Variants in CCNH observed in about 807,000 individuals in gnomAD.
CCNH encodes the protein cyclin H, also known as cyclin-H.
Under a neutral mutation model 41.9 loss-of-function variants are expected in CCNH, and 31 were observed. The ratio of observed to expected loss-of-function variants is 0.74; its 90% CI spans 0.56 to 1.00. The LOEUF is 1.00. Ranked by LOEUF, CCNH falls within the 50% of genes least tolerant of loss-of-function variation. The probability of loss-of-function intolerance (pLI) is 0.00; values close to 1 mark genes in which losing one functional copy is unlikely to be tolerated. For missense variants in CCNH, 362 were observed against 388.4 expected (o/e 0.93, Z 0.57); for synonymous variants, 138 against 136.1 (o/e 1.01, Z -0.10).
intron 7 of CCNH, among the ~76,000 whole-genome samples, chr5:87,399,055 C>A (rs2051185877): frequency 6.6e-6 from 1 of 151,388 alleles, no homozygotes; most frequent in African/African-American, 2.4e-5. Context: ...GTTCCTCAGA[C>A]CAGATATCAC....
intron 9 of CCNH, among the ~76,000 whole-genome samples, chr5:87,363,175 G>C (rs1298583887): frequency 6.6e-6 from 1 of 151,336 alleles, no homozygotes; most frequent in East Asian, 1.9e-4. Context: ...ATAACAAAAG[G>C]CATTTTTGTA....
At chr5:87,346,628 C>CA (rs1252745709) in intron 9 of CCNH, 1 of 1,299,512 alleles carries the variant, frequency 7.7e-7, no homozygotes, top group South Asian at 1.3e-5. Context: ...ATGATAACAG[C>CA]AAAAAGGACT....
rs1310776212 is a variant in CCNH at position 87,332,486 on chromosome 5, T to C, written c.*91-13589A>G. 3.1e-6 allele frequency: 5 copies of C among 1,595,720 alleles called. 1 individual carries two copies. The Admixed American group carries it at 8.4e-5, about 27-fold the overall frequency. ...TGGCTGTAAAGATTTTTTTATACTG[T>C]ATTTTTTCCTGTTCAAATAGGATTA... On this transcript the variant is annotated intron_variant and NMD_transcript_variant, in intron 9 of 9. Transcript: ENST00000645953.
chr5:87,324,131 T>C (rs1251395598), intron 9 of CCNH, among the ~76,000 whole-genome samples: 1 of 152,214 alleles, frequency 6.6e-6, no homozygotes, highest in Non-Finnish European at 1.5e-5. Context: ...ATGTGCTGAA[T>C]GGTATGATAC....
intron 9 of CCNH, among the ~76,000 whole-genome samples, chr5:87,354,827 A>G (rs976861517): frequency 3.9e-5 from 6 of 152,202 alleles, no homozygotes; most frequent in Admixed American, 2.6e-4. Flanking sequence ...GAACACATGA[A>G]TGATTAATAA....
intron 9 of CCNH, among the ~76,000 whole-genome samples, chr5:87,324,136 T>C (rs1277939050): frequency 6.6e-6 from 1 of 152,194 alleles, no homozygotes; most frequent in Middle Eastern, 3.2e-3. Flanking sequence ...CTGAATGGTA[T>C]GATACTATAA....
intron 9 of CCNH, among the ~76,000 whole-genome samples, chr5:87,361,077 A>G (rs1399153329): frequency 1.3e-5 from 2 of 152,134 alleles, no homozygotes; most frequent in African/African-American, 2.4e-5. Context: ...TTTCAGTTAT[A>G]TCATCCTCTA....
At chr5:87,353,122 A>G in intron 9 of CCNH, 2 of 1,532,548 alleles carry the variant, frequency 1.3e-6, no homozygotes, top group Non-Finnish European at 1.8e-6. Flanking sequence ...CAGTTTTATG[A>G]GACAGATTAA....
chr5:87,369,397 G>A (rs1760762870), intron 9 of CCNH, among the ~76,000 whole-genome samples: 1 of 152,044 alleles, frequency 6.6e-6, no homozygotes, highest in African/African-American at 2.4e-5. Context: ...AGAAAAATTT[G>A]AAAATACAGA....
intron 9 of CCNH, among the ~76,000 whole-genome samples, chr5:87,351,285 A>G (rs898837200): frequency 3.3e-5 from 5 of 151,788 alleles, no homozygotes; most frequent in African/African-American, 4.8e-5. Flanking sequence ...GTGTAAATAC[A>G]TTAAAGAAAA....
rs201658011 is a variant in CCNH, at chr5:87,369,939, G to A, written c.*90+22831C>T. 243 of 1,491,732 alleles carry A rather than the reference G, an allele frequency of 1.6e-4. No individual in the cohort carries two copies. In the African/African-American group the frequency reaches 2.7e-3, roughly 17 times the overall value. 92.4% of individuals were successfully genotyped at this position (1,491,732 alleles called of 1,614,324 possible). A position where few individuals can be genotyped will look rare whatever the true frequency, so the allele number is the denominator to read the frequency against. On this transcript the variant is annotated intron_variant and NMD_transcript_variant, in intron 9 of 9. Transcript: ENST00000645953. Reference sequence around the variant, plus strand: ...TTCTCAAACTACAGTATACTTTTATGTTAGCCCATGTTTTCTTATTAACTG... The same window carrying A: ...TTCTCAAACTACAGTATACTTTTATATTAGCCCATGTTTTCTTATTAACTG...
At chr5:87,390,944 T>C, downstream of CCNH, 13 of 1,496,214 alleles carry the variant, frequency 8.7e-6, no homozygotes, top group Admixed American at 1.2e-4. Context: ...TTCACTTCAG[T>C]TTAATGTCTC....
chr5:87,366,833 ACCAG>A (rs762609475), intron 9 of CCNH, among the ~76,000 whole-genome samples: 27 of 152,138 alleles, frequency 1.8e-4, no homozygotes, highest in Non-Finnish European at 3.7e-4. Context: ...GGGGTTGGAG[ACCAG>A]CCTGGGCCTA....
At chr5:87,358,761 T>A (rs1021016323) in intron 9 of CCNH, among the ~76,000 whole-genome samples, 1 of 152,216 alleles carries the variant, frequency 6.6e-6, no homozygotes, top group African/African-American at 2.4e-5. Context: ...CTTCCTACTA[T>A]CCTCCTGCCA....
intron 9 of CCNH, among the ~76,000 whole-genome samples, chr5:87,319,087 C>T (rs550566788): frequency 5.3e-4 from 81 of 152,334 alleles, no homozygotes; most frequent in Non-Finnish European, 7.6e-4. Context: ...TGTCTCACAT[C>T]CAGGGCACGC....
intron 7 of CCNH, among the ~76,000 whole-genome samples, chr5:87,395,471 A>G (rs1420775347): frequency 6.6e-6 from 1 of 152,214 alleles, no homozygotes; most frequent in African/African-American, 2.4e-5. Flanking sequence ...GAGATATTAA[A>G]CAGATCAATG....
rs751652142 is a variant in CCNH, at chr5:87,409,379, AATAT to A, written c.241-20_241-17del. 2 of 1,381,440 alleles carry A rather than the reference AATAT, an allele frequency of 1.4e-6. No homozygotes were observed. The highest frequency in any genetic ancestry group is 2.0e-6 in the Non-Finnish European group (2 of 978,428). The allele number at this position is 1,381,440 out of a possible 1,614,324, so 85.6% of individuals were successfully genotyped here. A position where few individuals can be genotyped will look rare whatever the true frequency, so the allele number is the denominator to read the frequency against. ...AAGCCGTACCCTAAGGGTTAAAAAA[AATAT>A]ATCATCAGGATCTAGTCACAAATGT... On this transcript the variant is annotated splice_polypyrimidine_tract_variant and intron_variant, in intron 2 of 8. Transcript: ENST00000256897.
In CCNH at chr5:87,341,242, GATTA is replaced by G. The variant is rs758308453; in HGVS notation, c.*91-22349_*91-22346del. The stretch of plus-strand genomic sequence containing the variant: ...ATTTTCATGAATTTTAATAAAAATT[GATTA>G]ATAGTTAATTATATAAAATACTGTC... On this transcript the variant is annotated intron_variant and NMD_transcript_variant, in intron 9 of 9. Coordinates refer to the CCNH transcript ENST00000645953. The G allele has an allele frequency of 5.5e-6, 6 of 1,087,642 alleles. No homozygotes were observed. The South Asian group carries it at 2.1e-4, about 37-fold the overall frequency. 67.4% of individuals were successfully genotyped at this position (1,087,642 alleles called of 1,614,324 possible). A position where few individuals can be genotyped will look rare whatever the true frequency, so the allele number is the denominator to read the frequency against.
downstream of CCNH, chr5:87,371,987 A>ATAG (rs1760981583): frequency 1.5e-6 from 1 of 655,786 alleles, no homozygotes; most frequent in Non-Finnish European, 2.7e-6. Flanking sequence ...GAAGTACAGT[A>ATAG]TAGTCTGAGA....
Sources: allele counts gnomAD v4.1 joint callset (sites outside exome capture counted in the v4.1 genomes callset), GRCh38; gene constraint gnomAD v4.1.1; transcripts MANE v1.5; gene names NCBI Gene and HGNC (gene_info 2026-07-23, HGNC 2026-07-21).